CFAP74: variants seen among roughly 807,000 people sequenced by gnomAD.
The protein encoded by CFAP74 is cilia- and flagella-associated protein 74.
Under a neutral mutation model 188.9 loss-of-function variants are expected in CFAP74, and 124 were observed. The observed-to-expected ratio is 0.66, with a 90% confidence interval of 0.57 to 0.76. The LOEUF (loss-of-function observed/expected upper bound fraction) is 0.76, where lower values mean the gene tolerates loss of function less well. Ranked by LOEUF, CFAP74 falls within the 30% of genes least tolerant of loss-of-function variation. The pLI, the probability that CFAP74 is intolerant of heterozygous loss-of-function variation, is 0.00. For synonymous variants in CFAP74, 956 were observed against 916.7 expected (o/e 1.04, Z -0.77); for missense variants, 2,198 against 2,165.2 (o/e 1.02, Z -0.30).
intron 18 of CFAP74, among the ~76,000 whole-genome samples, chr1:1,947,402 A>G (rs1314207843): frequency 1.3e-5 from 2 of 152,200 alleles, no homozygotes; most frequent in Non-Finnish European, 2.9e-5. Flanking sequence ...TCTTACCATC[A>G]TATCTGGTAA....
chr1:1,961,470 G>A (rs1191360428), intron 14 of CFAP74, among the ~76,000 whole-genome samples: 1 of 152,192 alleles, frequency 6.6e-6, no homozygotes, highest in Non-Finnish European at 1.5e-5. Flanking sequence ...CAGAGGGCAG[G>A]AGAGTGGTGG....
At position 1,965,083 on chromosome 1, in the gene CFAP74, G is replaced by A. The variant is rs1655377283; in HGVS notation, c.1402-22C>T. ...GCACCTGGGGGTCACAGAGACAGAG[G>A]CTGGGGCTGTTAGCGGCTCCACCTG... On this transcript the variant is annotated intron_variant, in intron 12 of 38. Coordinates refer to ENST00000682832, the MANE Select transcript of CFAP74 (RefSeq NM_001304360.2). The A allele has an allele frequency of 6.2e-6, 10 of 1,603,092 alleles. No individual in the cohort carries two copies. The South Asian group carries it at 8.8e-5, about 14-fold the overall frequency.
chr1:1,947,784 G>A (rs1345329846), intron 18 of CFAP74, among the ~76,000 whole-genome samples: 42 of 152,258 alleles, frequency 2.8e-4, no homozygotes, highest in Admixed American at 2.6e-3. Flanking sequence ...CGTCTGGACG[G>A]CAGAGCTCTT....
At chr1:1,971,842 A>G in intron 9 of CFAP74, 138 bp downstream of exon 9, 2 of 650,540 alleles carry the variant, frequency 3.1e-6, no homozygotes. Flanking sequence ...AGGCTCGGGA[A>G]GCCTCCAGGG....
intron 19 of CFAP74, among the ~76,000 whole-genome samples, chr1:1,946,711 G>A (rs544008784): frequency 5.9e-5 from 9 of 152,160 alleles, no homozygotes; most frequent in South Asian, 2.1e-4. Context: ...CAGGGAGGCC[G>A]CGGCCAGCAT....
Position 1,971,236 on chromosome 1 carries a change from C to T in CFAP74, c.889-420G>A, listed in dbSNP as rs371127385. Reference sequence around the variant, plus strand: ...GCACACATACGCGTGCACGCCTGCACACACATGCACACACTCACGCATGCA... The same window carrying T: ...GCACACATACGCGTGCACGCCTGCATACACATGCACACACTCACGCATGCA... On this transcript the variant is annotated intron_variant, in intron 9 of 38. Transcript: ENST00000682832. Among the ~76,000 whole-genome samples, 874 of 150,430 alleles carry T rather than the reference C, an allele frequency of 5.8e-3. 7 individuals are homozygous for T. Among genetic ancestry groups the T allele is most frequent in the African/African-American group, 0.02 (836 of 41,074 alleles).
intron 6 of CFAP74, among the ~76,000 whole-genome samples, chr1:1,974,455 G>A (rs570085660): frequency 6.6e-6 from 1 of 152,348 alleles, no homozygotes; most frequent in South Asian, 2.1e-4. Context: ...CGTGCCACCT[G>A]CCGGCCTGAG....
intron 1 of CFAP74, among the ~76,000 whole-genome samples, chr1:1,996,119 G>A (rs1657902602): frequency 6.6e-6 from 1 of 151,980 alleles, no homozygotes; most frequent in Non-Finnish European, 1.5e-5. Flanking sequence ...TGGGCAGCTG[G>A]GATTACAGGC....
intron 25 of CFAP74, among the ~76,000 whole-genome samples, chr1:1,934,422 G>A (rs1331460163): frequency 1.3e-5 from 1 of 79,508 alleles, no homozygotes; most frequent in Non-Finnish European, 2.5e-5. Flanking sequence ...GTGTACATGT[G>A]TGTTGTAGGT....
chr1:1,924,464 G>A lies in CFAP74; in HGVS notation c.4161C>T (p.Ser1387=), dbSNP rs751532360. Residue 1387 remains serine (S), a synonymous_variant, in exon 34 of 39, where the codon TCC becomes TCT. Transcript: ENST00000682832. The part of the protein sequence containing the change: ...IKFSMHLDSL[S]STRGRGQQQL... ...GCTGCTGGCCCCGGCCCCGGGTGCT[G>A]GAGAGGCTGTCCAGGTGCATGGAGA... 6.3e-6 allele frequency: 10 copies of A among 1,596,200 alleles called. No homozygotes were observed. The highest frequency in any genetic ancestry group is 6.8e-6 in the Non-Finnish European group (8 of 1,174,398).
At chr1:1,943,434 G>A (rs553858355) in intron 21 of CFAP74, among the ~76,000 whole-genome samples, 17 of 152,356 alleles carry the variant, frequency 1.1e-4, no homozygotes, top group African/African-American at 3.1e-4. Flanking sequence ...CCAGGTCACC[G>A]GGGAGAGGTG....
chr1:1,988,516 T>A lies in CFAP74; in HGVS notation c.292A>T (p.Met98Leu). The A allele has an allele frequency of 1.2e-6, 2 of 1,611,740 alleles. No individual in the cohort carries two copies. The highest frequency in any genetic ancestry group is 2.2e-5 in the East Asian group (1 of 44,890). Residue 98 changes from methionine (M) to leucine (L), a missense_variant, in exon 4 of 39, where the codon ATG (methionine) becomes TTG (leucine). By Grantham distance (15) the Met-to-Leu change is conservative. Transcript: ENST00000682832. ...GCGGCCTCAGCCCCAGCTCACCTCA[T>A]CTTCTCAGTGAAAAGCTCTTGCTCC... ...HEEQELFTEKMRGELRACRQR... is the reference protein window; with the variant it reads ...HEEQELFTEKLRGELRACRQR...
In CFAP74 at chr1:1,927,750, T is replaced by TG. The variant is rs1192969641; in HGVS notation, c.3388-5dup. 1.9e-6 allele frequency: 3 copies of TG among 1,549,086 alleles called. No homozygotes were observed. The African/African-American group carries it at 4.1e-5, about 21-fold the overall frequency. On this transcript the variant is annotated splice_region_variant and splice_polypyrimidine_tract_variant and intron_variant, in intron 27 of 38. Coordinates refer to ENST00000682832, the MANE Select transcript of CFAP74 (RefSeq NM_001304360.2). The stretch of plus-strand genomic sequence containing the variant: ...GGGGGGCCATATTCTTTCGGAACTG[T>TG]GGGGGGAGCGACTGGCTGTGGGGCT...
Position 1,950,528 on chromosome 1 carries a change from C to T in CFAP74, c.2177-3474G>A, listed in dbSNP as rs1356387503. On this transcript the variant is annotated intron_variant, in intron 18 of 38. Coordinates refer to ENST00000682832, the MANE Select transcript of CFAP74 (RefSeq NM_001304360.2). Reference sequence around the variant, plus strand: ...CTAAGTTTTGTATTTTTAGTAGAGACGGGGTTTTGCCATGTTGGCCAGGCT... The same window carrying T: ...CTAAGTTTTGTATTTTTAGTAGAGATGGGGTTTTGCCATGTTGGCCAGGCT... Among the ~76,000 whole-genome samples, 5 of 152,046 alleles carry T rather than the reference C, an allele frequency of 3.3e-5. No homozygotes were observed. In the East Asian group the frequency reaches 7.7e-4, roughly 23 times the overall value.
At chr1:1,985,304 C>T in intron 6 of CFAP74, 82 bp downstream of exon 6, 3 of 1,224,842 alleles carry the variant, frequency 2.4e-6, no homozygotes, top group Non-Finnish European at 3.6e-6. Context: ...CCCCCCAGAT[C>T]TTGCTCTCTG....
In CFAP74 at chr1:1,988,932, G is replaced by A. The variant is rs1341785249; in HGVS notation, c.109C>T (p.Leu37Phe). The change falls in exon 3 of 39, where the codon CTT becomes TTT. Residue 37 changes from leucine (L) to phenylalanine (F), a missense_variant. Physicochemically the swap from Leu to Phe is conservative, Grantham distance 22. Transcript: ENST00000682832. ...LEDPEFDIKC[L>F]LQEAEDDVDP... is the part of the protein sequence containing the mutation. ...ACGTCATCCTCAGCTTCCTGTAGAA[G>A]ACATTTGATGTCAAACTCCGGATCC... is the stretch of plus-strand genomic sequence containing the variant. 1.9e-6 allele frequency: 3 copies of A among 1,584,370 alleles called. No homozygotes were observed. In the South Asian group the frequency reaches 3.3e-5, roughly 18 times the overall value.
chr1:2,000,336 T>C (rs954999270), intron 1 of CFAP74, among the ~76,000 whole-genome samples: 1 of 152,160 alleles, frequency 6.6e-6, no homozygotes, highest in Non-Finnish European at 1.5e-5. Flanking sequence ...ACGTGCCACG[T>C]CCCCTAACAC....
At position 1,969,449 on chromosome 1, in the gene CFAP74, TGCCCAGCCCTGCCCA is replaced by T. The variant is rs1238876700; in HGVS notation, c.1047-631_1047-617del. On this transcript the variant is annotated intron_variant, in intron 10 of 38. Transcript: ENST00000682832. ...AGCCCATCCCTTCCAAGTCCAGTCC[TGCCCAGCCCTGCCCA>T]GCCCAGCCCTGCCCGGCCCAGCCCT... Among the ~76,000 whole-genome samples the T allele has an allele frequency of 8.6e-4, 61 of 70,630 alleles. No individual in the cohort carries two copies. In the South Asian group the frequency reaches 0.017, roughly 20 times the overall value. The allele number at this position is 70,630 out of a possible 152,430, so 46.3% of individuals were successfully genotyped here. A position where few individuals can be genotyped will look rare whatever the true frequency, so the allele number is the denominator to read the frequency against.
chr1:1,981,124 C>T (rs76603425), intron 6 of CFAP74, among the ~76,000 whole-genome samples: 109 of 152,358 alleles, frequency 7.2e-4, no homozygotes, highest in African/African-American at 2.5e-3. Context: ...CGTGCTATTT[C>T]GTTTCTGTGC....
Sources: gnomAD v4.1 joint callset for allele counts (sites outside exome capture counted in the v4.1 genomes callset) on GRCh38, gnomAD v4.1.1 for gene constraint, MANE v1.5 for transcripts, NCBI Gene and HGNC (gene_info 2026-07-23, HGNC 2026-07-21) for gene names.